Variants in INTS9 observed in about 807,000 individuals in gnomAD.
INTS9 encodes integrator complex subunit 9, also known as protein related to CPSF subunits of 74 kDa.
In INTS9, 55 loss-of-function variants were observed where a neutral mutation model predicts 79.7. The observed-to-expected ratio is 0.69, with a 90% CI of 0.56 to 0.86. INTS9 has a LOEUF of 0.86. Among genes scored for constraint, INTS9 ranks in the 40% least tolerant of loss-of-function variants. The pLI, the probability that INTS9 is intolerant of heterozygous loss-of-function variation, is 0.00. For missense variants in INTS9, 721 were observed against 831.5 expected, an observed-to-expected ratio of 0.87 and a Z score of 1.64; for synonymous variants, 319 against 325.2, an observed-to-expected ratio of 0.98 and a Z score of 0.20.
At chr8:28,858,110 C>T (rs866056933) in intron 2 of INTS9, among the ~76,000 whole-genome samples, 133 of 152,246 alleles carry the variant, frequency 8.7e-4, no homozygotes, top group African/African-American at 1.9e-3. Context: ...TGTCTGCCCT[C>T]GTCCAGTTCT....
intron 2 of INTS9, among the ~76,000 whole-genome samples, chr8:28,852,481 A>G (rs1003792060): frequency 5.9e-5 from 9 of 152,232 alleles, no homozygotes; most frequent in Non-Finnish European, 8.8e-5. Context: ...CTATCAGATC[A>G]GATTAAGAAA....
chr8:28,826,587 A>G (rs1806159801), intron 6 of INTS9, among the ~76,000 whole-genome samples: 1 of 152,182 alleles, frequency 6.6e-6, no homozygotes, highest in South Asian at 2.1e-4. Context: ...TCTCCTCCTG[A>G]GTGTGAGGTA....
chr8:28,878,074 G>C (rs1809490352), intron 1 of INTS9, among the ~76,000 whole-genome samples: 1 of 152,078 alleles, frequency 6.6e-6, no homozygotes, highest in Non-Finnish European at 1.5e-5. Flanking sequence ...AAATGAGGTA[G>C]TTCTAGATAT....
intron 11 of INTS9, among the ~76,000 whole-genome samples, chr8:28,782,053 A>G (rs1197948074): frequency 2.6e-5 from 4 of 152,158 alleles, no homozygotes; most frequent in Non-Finnish European, 5.9e-5. Flanking sequence ...TGAACCTAAA[A>G]CTGCTGTGAA....
chr8:28,867,399 A>G (rs1808816176), intron 1 of INTS9, among the ~76,000 whole-genome samples: 1 of 152,034 alleles, frequency 6.6e-6, no homozygotes, highest in African/African-American at 2.4e-5. Context: ...AGCCTAGGTG[A>G]CAGAGTAAGA....
chr8:28,778,951 C>A (rs942070733), intron 12 of INTS9, among the ~76,000 whole-genome samples: 1 of 152,234 alleles, frequency 6.6e-6, no homozygotes, highest in African/African-American at 2.4e-5. Context: ...CTCCCAGACA[C>A]AACTTCTGCC....
intron 11 of INTS9, among the ~76,000 whole-genome samples, chr8:28,786,323 C>T (rs544089021): frequency 6.6e-6 from 1 of 151,908 alleles, no homozygotes; most frequent in Admixed American, 6.6e-5. Flanking sequence ...GCTCTGTCAC[C>T]CAGACTGGTG....
At chr8:28,809,432 C>A (rs1804985395) in intron 8 of INTS9, among the ~76,000 whole-genome samples, 2 of 152,158 alleles carry the variant, frequency 1.3e-5, no homozygotes, top group Admixed American at 1.3e-4. Flanking sequence ...TCATCCCTGC[C>A]AATTCAATAC....
At chr8:28,855,821 TTA>T (rs1563300463) in intron 2 of INTS9, among the ~76,000 whole-genome samples, 1 of 152,218 alleles carries the variant, frequency 6.6e-6, no homozygotes, top group Non-Finnish European at 1.5e-5. Flanking sequence ...TGTACCATGG[TTA>T]TGTTAGAGGA....
intron 8 of INTS9, among the ~76,000 whole-genome samples, chr8:28,799,945 C>G (rs753430700): frequency 1.3e-5 from 2 of 152,204 alleles, no homozygotes; most frequent in Non-Finnish European, 2.9e-5. Context: ...TACTCAATTT[C>G]AACAGCCTGG....
At chr8:28,808,070 C>A (rs1305049339) in intron 8 of INTS9, among the ~76,000 whole-genome samples, 1 of 152,334 alleles carries the variant, frequency 6.6e-6, no homozygotes, top group African/African-American at 2.4e-5. Context: ...AGGTTGCACT[C>A]TTTGGCCTCA....
intron 6 of INTS9, among the ~76,000 whole-genome samples, chr8:28,821,368 C>G (rs868230756): frequency 6.6e-6 from 1 of 152,218 alleles, no homozygotes; most frequent in Non-Finnish European, 1.5e-5. Context: ...ATAAACCCAT[C>G]AGATCTTGTG....
chr8:28,843,513 T>G (rs1334540956), intron 4 of INTS9, among the ~76,000 whole-genome samples: 1 of 152,228 alleles, frequency 6.6e-6, no homozygotes, highest in African/African-American at 2.4e-5. Flanking sequence ...TTTTAAGCTT[T>G]CCTTTTGCTT....
rs886292996 is a variant in INTS9 at position 28,769,921 on chromosome 8, G to A, written c.1768C>T (p.Pro590Ser). The A allele has an allele frequency of 3.1e-6, 5 of 1,614,192 alleles. No individual in the cohort carries two copies. The highest frequency in any genetic ancestry group is 4.2e-6 in the Non-Finnish European group (5 of 1,180,036). ...AGGGTCTGCACGAACTGCTCCACAGGGATGGAACCGCTCAACAAAGGCTTC... is the reference window on the plus strand; with the variant it reads ...AGGGTCTGCACGAACTGCTCCACAGAGATGGAACCGCTCAACAAAGGCTTC... ...VLKPLLSGSI[P>S]VEQFVQTLEK... The change falls in exon 16 of 17, where the codon CCT becomes TCT. Residue 590 changes from proline (P) to serine (S), a missense_variant. Physicochemically the swap from Pro to Ser is moderately conservative, Grantham distance 74. This residue lies in a region of INTS9 where 281 missense variants were observed against 300.8 expected (regional missense o/e 0.93). Coordinates refer to ENST00000521022, the MANE Select transcript of INTS9 (RefSeq NM_018250.4).
In INTS9 at chr8:28,803,933, A is replaced by T. The variant is rs1326619659; in HGVS notation, c.745-7278T>A. Among the ~76,000 whole-genome samples, 5 of 151,972 alleles carry T rather than the reference A, an allele frequency of 3.3e-5. No homozygotes were observed. The East Asian group carries it at 9.6e-4, about 29-fold the overall frequency. ...CCAGAATCTATTTTTATTTTTATTTATTTATTTTGAGACAGGGTCTCACTT... is the reference window on the plus strand; with the variant it reads ...CCAGAATCTATTTTTATTTTTATTTTTTTATTTTGAGACAGGGTCTCACTT... On this transcript the variant is annotated intron_variant, in intron 8 of 16. Transcript: ENST00000521022.
chr8:28,864,537 G>C (rs1167676902), intron 1 of INTS9, among the ~76,000 whole-genome samples: 1 of 152,120 alleles, frequency 6.6e-6, no homozygotes, highest in Non-Finnish European at 1.5e-5. Context: ...AAACATGTCT[G>C]TCTTTTATTT....
At chr8:28,813,026 T>C (rs1201700559) in intron 7 of INTS9, among the ~76,000 whole-genome samples, 2 of 152,142 alleles carry the variant, frequency 1.3e-5, no homozygotes, top group Admixed American at 1.3e-4. Context: ...AGAGATGAAA[T>C]ATTACCAAAC....
At chr8:28,814,217 T>C (rs1335364021) in intron 6 of INTS9, among the ~76,000 whole-genome samples, 1 of 151,184 alleles carries the variant, frequency 6.6e-6, no homozygotes, top group Non-Finnish European at 1.5e-5. Flanking sequence ...GTCCAAGTAC[T>C]GGGGTGAAAT....
At chr8:28,859,905 G>A (rs966172173) in intron 1 of INTS9, among the ~76,000 whole-genome samples, 3 of 152,192 alleles carry the variant, frequency 2.0e-5, no homozygotes, top group Non-Finnish European at 2.9e-5. Flanking sequence ...CCCTTTGTAT[G>A]TAAGTACTGT....
Sources: gnomAD v4.1 joint callset for allele counts (sites outside exome capture counted in the v4.1 genomes callset) on GRCh38, gnomAD v4.1.1 for gene constraint, gnomAD v4.1.1 regional missense constraint, MANE v1.5 for transcripts, NCBI Gene and HGNC (gene_info 2026-07-23, HGNC 2026-07-21) for gene names.